SFRP1: variants seen among roughly 807,000 people sequenced by gnomAD.
The protein encoded by SFRP1 is secreted frizzled related protein 1.
In SFRP1, 9 loss-of-function variants were observed where a neutral mutation model predicts 25.9. That is an observed-to-expected ratio of 0.35 (90% CI 0.21 to 0.61). The LOEUF (loss-of-function observed/expected upper bound fraction) is 0.61. Among genes scored for constraint, SFRP1 ranks in the 20% least tolerant of loss-of-function variants. The probability of loss-of-function intolerance (pLI) is 0.78; values close to 1 mark genes in which losing one functional copy is unlikely to be tolerated. For missense variants in SFRP1, 346 were observed against 418.2 expected (o/e 0.83, Z 1.51); for synonymous variants, 178 against 174.0 (o/e 1.02, Z -0.18).
chr8:41,265,399 A>T lies in SFRP1; in HGVS notation c.713T>A (p.Ile238Asn). The T allele has an allele frequency of 6.2e-7, 1 of 1,613,800 alleles. No individual in the cohort carries two copies. The highest frequency in any genetic ancestry group is 8.5e-7 in the Non-Finnish European group (1 of 1,179,998). The change falls in exon 3 of 3, where the codon ATC becomes AAC. Residue 238 changes from isoleucine (I) to asparagine (N), a missense_variant. By Grantham distance (149) the Ile-to-Asn change is moderately radical. Coordinates refer to ENST00000220772, the MANE Select transcript of SFRP1 (RefSeq NM_003012.5). ...KKKKPLKLGPIKKKDLKKLVL... is the reference protein window; with the variant it reads ...KKKKPLKLGPNKKKDLKKLVL... ...AAGCTTCTTCAGGTCCTTCTTCTTG[A>T]TGGGCCCCAACTTCAGGGGCTTCTT...
chr8:41,286,592 C>T (rs193259347), intron 2 of SFRP1, among the ~76,000 whole-genome samples: 4 of 152,166 alleles, frequency 2.6e-5, no homozygotes, highest in African/African-American at 9.7e-5. Context: ...CAAAGAGTCA[C>T]AGCCACTAGA....
chr8:41,265,138 G>GGC lies in SFRP1; in HGVS notation c.*28_*29insGC. 19 of 508,940 alleles carry GGC rather than the reference G, an allele frequency of 3.7e-5. No homozygotes were observed. The highest frequency in any genetic ancestry group is 9.9e-5 in the South Asian group (5 of 50,514). 31.5% of individuals were successfully genotyped at this position (508,940 alleles called of 1,614,324 possible). A position where few individuals can be genotyped will look rare whatever the true frequency, so the allele number is the denominator to read the frequency against. On this transcript the variant is annotated 3_prime_UTR_variant, in exon 3 of 3. Transcript: ENST00000220772. Reference sequence around the variant, plus strand: ...CCCCCCCGCTCCCACCCCACCCGAGGCTCCCTCCCCACCCTGCCCCCGGGA... The same window carrying GGC: ...CCCCCCCGCTCCCACCCCACCCGAGGGCCTCCCTCCCCACCCTGCCCCCGGGA...
intron 2 of SFRP1, among the ~76,000 whole-genome samples, chr8:41,285,991 AC>A (rs1191932358): frequency 2.4e-5 from 3 of 124,702 alleles, no homozygotes; most frequent in African/African-American, 9.1e-5. Context: ...TTCCACTCCA[AC>A]CCAGGGTCCT....
rs1040488757 is a variant in SFRP1, at chr8:41,263,626, T to G, written c.*1541A>C. The G allele has an allele frequency of 2.6e-5, 4 of 152,154 alleles. No individual in the cohort carries two copies. Among genetic ancestry groups the G allele is most frequent in the African/African-American group, 9.7e-5 (4 of 41,422 alleles). 9.4% of individuals were successfully genotyped at this position (152,154 alleles called of 1,614,324 possible). ...GTTGCAGAGAATTAAGAATCCGGCT[T>G]TGGGGGAAGAAATTAATATGCATTT... On this transcript the variant is annotated 3_prime_UTR_variant, in exon 3 of 3. Transcript: ENST00000220772.
At chr8:41,291,409 C>A (rs1283677761) in intron 2 of SFRP1, among the ~76,000 whole-genome samples, 1 of 152,110 alleles carries the variant, frequency 6.6e-6, no homozygotes, top group Admixed American at 6.5e-5. Flanking sequence ...CAAAGAGATT[C>A]GCCACTCCCC....
chr8:41,287,915 C>T (rs749255516), intron 2 of SFRP1, among the ~76,000 whole-genome samples: 4 of 152,230 alleles, frequency 2.6e-5, no homozygotes, highest in East Asian at 3.9e-4. Flanking sequence ...TGGGACTGGC[C>T]GCCACAGGGT....
At chr8:41,268,516 C>T (rs1285156166) in intron 2 of SFRP1, among the ~76,000 whole-genome samples, 1 of 152,132 alleles carries the variant, frequency 6.6e-6, no homozygotes, top group Admixed American at 6.5e-5. Context: ...GGGGGAGCAG[C>T]CAGGGAGGAG....
chr8:41,280,203 G>A (rs532619178), intron 2 of SFRP1, among the ~76,000 whole-genome samples: 6 of 152,306 alleles, frequency 3.9e-5, no homozygotes, highest in East Asian at 1.9e-4. Context: ...GTGCAGGGTC[G>A]GGGGATGGTG....
chr8:41,303,584 G>C (rs748297565), intron 1 of SFRP1, 46 bp from the exon 2 acceptor site: 1 of 1,502,224 alleles, frequency 6.7e-7, no homozygotes, highest in East Asian at 2.3e-5. Flanking sequence ...TTACAGAGCA[G>C]GAAGGGAGCA....
chr8:41,300,718 G>C (rs1027175076), intron 2 of SFRP1, among the ~76,000 whole-genome samples: 1 of 152,204 alleles, frequency 6.6e-6, no homozygotes, highest in Non-Finnish European at 1.5e-5. Context: ...GGCTATTTAA[G>C]AGGCGAGAGT....
intron 2 of SFRP1, among the ~76,000 whole-genome samples, chr8:41,299,094 C>T (rs997806337): frequency 2.0e-5 from 3 of 151,910 alleles, no homozygotes; most frequent in African/African-American, 4.8e-5. Flanking sequence ...CACCGCCTAC[C>T]CCCCCAACCC....
At chr8:41,271,886 T>A (rs1451684777) in intron 2 of SFRP1, among the ~76,000 whole-genome samples, 2 of 151,784 alleles carry the variant, frequency 1.3e-5, no homozygotes, top group Non-Finnish European at 2.9e-5. Context: ...ATCAGCTGAG[T>A]CTGGGGAGAT....
At chr8:41,306,198 A>T (rs1318221689) in intron 1 of SFRP1, among the ~76,000 whole-genome samples, 2 of 152,200 alleles carry the variant, frequency 1.3e-5, no homozygotes, top group Admixed American at 6.5e-5. Context: ...ATTTCTCATT[A>T]TCAGGTTTCT....
chr8:41,273,362 G>A (rs1409872747), intron 2 of SFRP1, among the ~76,000 whole-genome samples: 3 of 144,856 alleles, frequency 2.1e-5, no homozygotes, highest in Non-Finnish European at 4.6e-5. Flanking sequence ...ATAGTGATGC[G>A]CACCTGTGGG....
intron 1 of SFRP1, 75 bp from the exon 2 acceptor site, chr8:41,303,613 G>C: frequency 8.2e-7 from 1 of 1,214,028 alleles, no homozygotes; most frequent in Middle Eastern, 1.9e-4. Context: ...GGAAAAGATC[G>C]GCCCTGGGTC....
chr8:41,307,970 G>C (rs528361588), intron 1 of SFRP1, among the ~76,000 whole-genome samples: 2 of 152,212 alleles, frequency 1.3e-5, no homozygotes, highest in Non-Finnish European at 2.9e-5. Flanking sequence ...CCAGCCCTCC[G>C]AGGGCAGAGC....
intron 2 of SFRP1, among the ~76,000 whole-genome samples, chr8:41,299,130 G>T (rs553424459): frequency 6.0e-5 from 9 of 150,442 alleles, no homozygotes; most frequent in Admixed American, 2.7e-4. Context: ...CAAGAAGGCT[G>T]CTCAGAAAGA....
At chr8:41,283,995 G>A (rs977930929) in intron 2 of SFRP1, among the ~76,000 whole-genome samples, 42 of 152,278 alleles carry the variant, frequency 2.8e-4, no homozygotes, top group African/African-American at 8.9e-4. Flanking sequence ...AGCTGGGCCA[G>A]GGGACTCTCT....
In SFRP1 at chr8:41,306,746, GGTGA is replaced by G. The variant is rs758667250; in HGVS notation, c.544+1866_544+1869del. 6 of 1,597,934 alleles carry G rather than the reference GGTGA, an allele frequency of 3.8e-6. No individual in the cohort carries two copies. The African/African-American group carries it at 6.7e-5, about 18-fold the overall frequency. ...CCTGAGCGCTGCTGGGAGGAGTGGA[GGTGA>G]GTGAGGACGGTTCCAAGCCAGGCTG... On this transcript the variant is annotated intron_variant, in intron 1 of 2. Transcript: ENST00000220772.
Sources: gnomAD v4.1 joint callset for allele counts (sites outside exome capture counted in the v4.1 genomes callset) on GRCh38, gnomAD v4.1.1 for gene constraint, MANE v1.5 for transcripts, NCBI Gene and HGNC (gene_info 2026-07-23, HGNC 2026-07-21) for gene names.